MYH10: variants seen among roughly 807,000 people sequenced by gnomAD.
MYH10 encodes the protein myosin heavy chain 10, also known as myosin-10.
Under a neutral mutation model 257.8 loss-of-function variants are expected in MYH10, and 55 were observed. The ratio of observed to expected loss-of-function variants is 0.21; its 90% CI spans 0.17 to 0.27. The LOEUF is 0.27. Among genes scored for constraint, MYH10 ranks in the 10% least tolerant of loss-of-function variants. The pLI is 1.00. For synonymous variants in MYH10, 854 were observed against 921.7 expected (o/e 0.93, Z 1.33); for missense variants, 1,631 against 2,500.6 (o/e 0.65, Z 7.42).
At chr17:8,571,201 G>A (rs1221565106) in intron 6 of MYH10, among the ~76,000 whole-genome samples, 12 of 136,126 alleles carry the variant, frequency 8.8e-5, no homozygotes, top group East Asian at 8.8e-4. Context: ...TTGAGACGGA[G>A]ACTCACTCTG....
intron 3 of MYH10, among the ~76,000 whole-genome samples, chr17:8,602,505 C>T (rs1195270832): frequency 6.6e-6 from 1 of 152,202 alleles, no homozygotes; most frequent in African/African-American, 2.4e-5. Context: ...GCTGCATATG[C>T]TAATGTCTGA....
At chr17:8,593,984 T>C (rs749621529) in intron 3 of MYH10, among the ~76,000 whole-genome samples, 8 of 152,122 alleles carry the variant, frequency 5.3e-5, no homozygotes, top group East Asian at 1.9e-4. Flanking sequence ...GAAAGACATA[T>C]AGATCAAAGG....
In MYH10 at chr17:8,475,758, A is replaced by G. The variant is rs370241263; in HGVS notation, c.*46T>C. 17 of 1,592,628 alleles carry G rather than the reference A, an allele frequency of 1.1e-5. No individual in the cohort carries two copies. The highest frequency in any genetic ancestry group is 4.0e-5 in the African/African-American group (3 of 74,286). ...GAAATCTGCAGGAGGCCCCGGGTGC[A>G]TTCCTAACTGTCCCACTGTATTGCC... On this transcript the variant is annotated 3_prime_UTR_variant, in exon 43 of 43. Transcript: ENST00000360416.
At chr17:8,601,162 T>C (rs886236711) in intron 3 of MYH10, among the ~76,000 whole-genome samples, 6 of 152,186 alleles carry the variant, frequency 3.9e-5, no homozygotes, top group African/African-American at 1.4e-4. Flanking sequence ...CAACCGGGGT[T>C]GGTAGCAGTG....
At chr17:8,505,371 G>A (rs958419557) in intron 27 of MYH10, among the ~76,000 whole-genome samples, 1 of 152,144 alleles carries the variant, frequency 6.6e-6, no homozygotes, top group Non-Finnish European at 1.5e-5. Flanking sequence ...TACCCTCCAG[G>A]TGCCTCTCTT....
intron 4 of MYH10, among the ~76,000 whole-genome samples, chr17:8,578,587 T>C (rs995631666): frequency 1.3e-5 from 2 of 152,206 alleles, no homozygotes; most frequent in South Asian, 4.1e-4. Flanking sequence ...GTAAATACTA[T>C]GAATTTTGTT....
At chr17:8,488,409 G>A (rs1597619754) in intron 35 of MYH10, among the ~76,000 whole-genome samples, 1 of 152,370 alleles carries the variant, frequency 6.6e-6, no homozygotes, top group East Asian at 1.9e-4. Context: ...CACAGGGACT[G>A]TGTGTCATTG....
chr17:8,561,153 A>C, intron 7 of MYH10: 2 of 633,072 alleles, frequency 3.2e-6, no homozygotes, highest in South Asian at 3.7e-5. Context: ...ATAAAAACTC[A>C]GTAACAAAAA....
intron 5 of MYH10, 72 bp downstream of exon 5, chr17:8,577,164 G>A: frequency 2.4e-6 from 3 of 1,237,602 alleles, no homozygotes; most frequent in South Asian, 2.7e-5. Context: ...AGAGTAGACT[G>A]GCTTCCTTAT....
In MYH10 at chr17:8,503,548, C is replaced by T. The variant is rs139496865; in HGVS notation, c.3599+1146G>A. On this transcript the variant is annotated intron_variant, in intron 28 of 42. Transcript: ENST00000360416. ...CAGTCTCACTGCTCTATCGAGCCGGCCTGCCCTGTGGACACCATGATGTCA... is the reference window on the plus strand; with the variant it reads ...CAGTCTCACTGCTCTATCGAGCCGGTCTGCCCTGTGGACACCATGATGTCA... Among the ~76,000 whole-genome samples, 5 of 152,272 alleles carry T rather than the reference C, an allele frequency of 3.3e-5. No individual in the cohort carries two copies. The East Asian group carries it at 9.7e-4, about 29-fold the overall frequency.
intron 23 of MYH10, among the ~76,000 whole-genome samples, chr17:8,512,931 TAGG>T (rs2081347032): frequency 6.6e-6 from 1 of 152,162 alleles, no homozygotes; most frequent in Non-Finnish European, 1.5e-5. Context: ...GACAGATAAA[TAGG>T]AGAGTGAAAA....
chr17:8,519,566 G>C (rs372695239), intron 19 of MYH10, among the ~76,000 whole-genome samples: 64 of 151,634 alleles, frequency 4.2e-4, no homozygotes, highest in African/African-American at 1.5e-3. Context: ...AATCAACTTT[G>C]TATCTTGGAT....
At chr17:8,582,935 A>C (rs2083763736) in intron 4 of MYH10, among the ~76,000 whole-genome samples, 1 of 152,164 alleles carries the variant, frequency 6.6e-6, no homozygotes, top group African/African-American at 2.4e-5. Context: ...GTTTTAGATA[A>C]CCTCGATTTG....
intron 38 of MYH10, 165 bp from the exon 39 acceptor site, chr17:8,480,690 T>TG: frequency 1.1e-6 from 1 of 872,900 alleles, no homozygotes; most frequent in Non-Finnish European, 1.8e-6. Context: ...GTCCCACTGA[T>TG]GACACTTCCA....
At position 8,490,528 on chromosome 17, in the gene MYH10, G is replaced by A. The variant is rs771115232; in HGVS notation, c.4696C>T (p.Arg1566Trp). 3 of 1,614,016 alleles carry A rather than the reference G, an allele frequency of 1.9e-6. No individual in the cohort carries two copies. The highest frequency in any genetic ancestry group is 1.7e-5 in the Admixed American group (1 of 59,992). Residue 1566 changes from arginine (R) to tryptophan (W), a missense_variant, in exon 35 of 43, where the codon CGG becomes TGG. Physicochemically the swap from Arg to Trp is moderately radical, Grantham distance 101 (BLOSUM62 -3). Transcript: ENST00000360416. This position sits in a 1 kb window ranked among gnomAD's most constrained non-coding sequence, Gnocchi z 4.1. Reference sequence around the variant, plus strand: ...TCCTCCACCTGCTGCTCTAGGGCCCGTTTGGATTTTTCAAGTTCGTGAACC... The same window carrying A: ...TCCTCCACCTGCTGCTCTAGGGCCCATTTGGATTTTTCAAGTTCGTGAACC... ...KNVHELEKSK[R>W]ALEQQVEEMR...
Position 8,506,768 on chromosome 17 carries a change from C to T in MYH10, c.3215-279G>A, listed in dbSNP as rs898834931. 5.3e-5 allele frequency among the ~76,000 whole-genome samples: 8 copies of T among 152,018 alleles called. No individual in the cohort carries two copies. The South Asian group carries it at 6.2e-4, about 12-fold the overall frequency. The stretch of plus-strand genomic sequence containing the variant: ...GGAGGTGAGACCACACTGTGAGAGC[C>T]GAAGGGAGCTGGAATCCTCTCATGT... On this transcript the variant is annotated intron_variant, in intron 26 of 42. Coordinates refer to ENST00000360416, the MANE Select transcript of MYH10 (RefSeq NM_001256012.3). This position sits in a 1 kb window ranked among gnomAD's most constrained non-coding sequence, Gnocchi z 5.0.
Position 8,577,308 on chromosome 17 carries a change from A to G in MYH10, c.561T>C (p.Asn187=). The G allele has an allele frequency of 6.2e-7, 1 of 1,611,140 alleles. No homozygotes were observed. ...TGESGAGKTE[N]TKKVIQYLAH... Reference sequence around the variant, plus strand: ...CAAGGTACTGAATAACTTTCTTTGTATTTTCTGTCTTCCCAGCACCTGACT... The same window carrying G: ...CAAGGTACTGAATAACTTTCTTTGTGTTTTCTGTCTTCCCAGCACCTGACT... Residue 187 remains asparagine, a synonymous_variant, in exon 5 of 43, where the codon AAT becomes AAC. Coordinates refer to ENST00000360416, the MANE Select transcript of MYH10 (RefSeq NM_001256012.3).
At chr17:8,626,802 T>G (rs2085701491) in intron 1 of MYH10, among the ~76,000 whole-genome samples, 1 of 152,044 alleles carries the variant, frequency 6.6e-6, no homozygotes, top group South Asian at 2.1e-4. Flanking sequence ...AGGTGTAAAC[T>G]GCATATCCTA....
rs1445252253 is a variant in MYH10 at position 8,475,428 on chromosome 17, G to A, written c.*376C>T. The A allele has an allele frequency of 2.6e-5, 5 of 195,388 alleles. No homozygotes were observed. The highest frequency in any genetic ancestry group is 9.6e-5 in the South Asian group (1 of 10,404). 12.1% of individuals were successfully genotyped at this position (195,388 alleles called of 1,614,324 possible). The stretch of plus-strand genomic sequence containing the variant: ...AGGTTACCTGTCTGTATGACAGAGA[G>A]CATGCAGAGCGACTGAGTGACGACC... On this transcript the variant is annotated 3_prime_UTR_variant, in exon 43 of 43. Coordinates refer to ENST00000360416, the MANE Select transcript of MYH10 (RefSeq NM_001256012.3).
Sources: allele counts gnomAD v4.1 joint callset (sites outside exome capture counted in the v4.1 genomes callset), GRCh38; gene constraint gnomAD v4.1.1; non-coding constraint Gnocchi (gnomAD v3.1); transcripts MANE v1.5; gene names NCBI Gene and HGNC (gene_info 2026-07-23, HGNC 2026-07-21).